Variants in MACROD2 observed in about 807,000 individuals in gnomAD.
The protein encoded by MACROD2 is ADP-ribose glycohydrolase MACROD2.
Under a neutral mutation model 70.4 loss-of-function variants are expected in MACROD2, and 36 were observed. The ratio of observed to expected loss-of-function variants is 0.51; its 90% CI spans 0.39 to 0.68. MACROD2 has a LOEUF of 0.68. Among genes scored for constraint, MACROD2 ranks in the 30% least tolerant of loss-of-function variants. MACROD2 has a pLI of 0.00. For synonymous variants in MACROD2, 172 were observed against 178.8 expected, an observed-to-expected ratio of 0.96 and a Z score of 0.30; for missense variants, 496 against 538.4, an observed-to-expected ratio of 0.92 and a Z score of 0.78.
chr20:14,798,402 T>TTTTCTA (rs2072535910), intron 5 of MACROD2, among the ~76,000 whole-genome samples: 1 of 152,096 alleles, frequency 6.6e-6, no homozygotes, highest in Non-Finnish European at 1.5e-5. Context: ...ACAGGTCTGG[T>TTTTCTA]TTGGGAAGAT....
intron 5 of MACROD2, among the ~76,000 whole-genome samples, chr20:14,863,372 T>C (rs442467): frequency 0.58 from 88,261 of 152,018 alleles, 26,777 homozygotes; most frequent in Non-Finnish European, 0.68. Context: ...TCTGTAAAGC[T>C]CCAAGGGGTA....
intron 8 of MACROD2, among the ~76,000 whole-genome samples, chr20:15,621,394 A>T (rs1296684411): frequency 2.0e-5 from 3 of 152,158 alleles, no homozygotes; most frequent in Non-Finnish European, 4.4e-5. Flanking sequence ...GAATCCATCG[A>T]TTCTTCCAGA....
chr20:14,844,729 A>G (rs553861063), intron 5 of MACROD2, among the ~76,000 whole-genome samples: 3 of 152,182 alleles, frequency 2.0e-5, no homozygotes, highest in Admixed American at 2.0e-4. Context: ...CCTTATGCTT[A>G]CTATAAATCA....
At position 14,730,979 on chromosome 20, in the gene MACROD2, G is replaced by GCACACACACA. The variant is rs11474396; in HGVS notation, c.418+46041_418+46050dup. ...GCTGTGTATTGCCCAAACAGGTTTA[G>GCACACACACA]CACACACACACACACACACACACAC... is the stretch of plus-strand genomic sequence containing the variant. On this transcript the variant is annotated intron_variant, in intron 5 of 17. Transcript: ENST00000684519. 2.6e-3 allele frequency among the ~76,000 whole-genome samples: 364 copies of GCACACACACA among 138,922 alleles called. 1 individual carries two copies. Among genetic ancestry groups the GCACACACACA allele is most frequent in the African/African-American group, 8.1e-3 (316 of 38,916 alleles). 91.1% of individuals were successfully genotyped at this position (138,922 alleles called of 152,430 possible). A position where few individuals can be genotyped will look rare whatever the true frequency, so the allele number is the denominator to read the frequency against.
At chr20:15,845,224 G>A (rs1316548419) in intron 8 of MACROD2, among the ~76,000 whole-genome samples, 1 of 152,088 alleles carries the variant, frequency 6.6e-6, no homozygotes, top group Non-Finnish European at 1.5e-5. Flanking sequence ...TCCAATGACT[G>A]CTGTTCTTAT....
At chr20:14,092,864 T>C (rs2054170055) in intron 3 of MACROD2, among the ~76,000 whole-genome samples, 1 of 152,196 alleles carries the variant, frequency 6.6e-6, no homozygotes, top group South Asian at 2.1e-4. Context: ...CTGAGAGAAC[T>C]CAGGTTAGTA....
At chr20:15,002,820 A>G (rs1239645365) in intron 5 of MACROD2, among the ~76,000 whole-genome samples, 1 of 152,204 alleles carries the variant, frequency 6.6e-6, no homozygotes, top group Middle Eastern at 3.2e-3. Context: ...TTGTAGCCAT[A>G]CAGGAATTTG....
At chr20:15,841,230 G>A (rs6079984) in intron 8 of MACROD2, among the ~76,000 whole-genome samples, 81,526 of 152,034 alleles carry the variant, frequency 0.54, 22,946 homozygotes, top group South Asian at 0.65. Flanking sequence ...ATCAAGGGCC[G>A]TGGCCAAGGA....
At chr20:15,352,467 AG>A (rs1406993977) in intron 6 of MACROD2, among the ~76,000 whole-genome samples, 1 of 152,218 alleles carries the variant, frequency 6.6e-6, no homozygotes, top group Non-Finnish European at 1.5e-5. Flanking sequence ...CAAAGATATC[AG>A]AAATAATTTA....
intron 4 of MACROD2, chr20:14,628,940 C>G (rs1180275592): frequency 6.6e-6 from 1 of 152,110 alleles, no homozygotes; most frequent in Non-Finnish European, 1.5e-5. Context: ...TTCTTTGGAA[C>G]TTTGGTGATG....
intron 4 of MACROD2, among the ~76,000 whole-genome samples, chr20:14,604,208 G>A (rs1982661080): frequency 6.6e-6 from 1 of 152,122 alleles, no homozygotes; most frequent in African/African-American, 2.4e-5. Flanking sequence ...AATTATTCAA[G>A]AATCCTGAAG....
At chr20:14,665,740 T>G (rs115069356) in intron 4 of MACROD2, among the ~76,000 whole-genome samples, 3,572 of 152,158 alleles carry the variant, frequency 0.023, 104 homozygotes, top group African/African-American at 0.059. Context: ...AACTTACATA[T>G]ATCCATCCTT....
intron 6 of MACROD2, among the ~76,000 whole-genome samples, chr20:15,326,517 G>A (rs1197034792): frequency 6.6e-6 from 1 of 151,948 alleles, no homozygotes; most frequent in Admixed American, 6.6e-5. Context: ...CTCCTGACAA[G>A]TCCCCATATA....
chr20:15,390,433 C>A (rs1314997806), intron 6 of MACROD2, among the ~76,000 whole-genome samples: 1 of 152,076 alleles, frequency 6.6e-6, no homozygotes, highest in Non-Finnish European at 1.5e-5. Flanking sequence ...TTCCTTGATT[C>A]ATTTTTCTCT....
At chr20:14,544,599 A>C (rs1424005729) in intron 4 of MACROD2, among the ~76,000 whole-genome samples, 3 of 152,136 alleles carry the variant, frequency 2.0e-5, no homozygotes, top group African/African-American at 7.2e-5. Flanking sequence ...GATGATTTCC[A>C]TTTGAGTTGC....
intron 3 of MACROD2, among the ~76,000 whole-genome samples, chr20:14,474,996 G>A (rs970345814): frequency 6.6e-6 from 1 of 151,108 alleles, no homozygotes; most frequent in Admixed American, 6.6e-5. Context: ...CTGCCATTTT[G>A]TTATTTTTTT....
intron 5 of MACROD2, among the ~76,000 whole-genome samples, chr20:15,145,880 G>T (rs1363930172): frequency 6.6e-6 from 1 of 152,024 alleles, no homozygotes; most frequent in Non-Finnish European, 1.5e-5. Flanking sequence ...CACCACCATT[G>T]ATATGAAAGT....
chr20:14,230,922 C>A (rs2081804655), intron 3 of MACROD2, among the ~76,000 whole-genome samples: 1 of 151,146 alleles, frequency 6.6e-6, no homozygotes, highest in Admixed American at 6.6e-5. Context: ...AAAAAACATT[C>A]ATCTTGTAGA....
chr20:14,742,988 G>C (rs1368345525), intron 5 of MACROD2, among the ~76,000 whole-genome samples: 1 of 151,844 alleles, frequency 6.6e-6, no homozygotes, highest in African/African-American at 2.4e-5. Flanking sequence ...GGATGGTCTC[G>C]ATCTCCTGAC....
Sources: gnomAD v4.1 joint callset for allele counts (sites outside exome capture counted in the v4.1 genomes callset) on GRCh38, gnomAD v4.1.1 for gene constraint, MANE v1.5 for transcripts, NCBI Gene and HGNC (gene_info 2026-07-23, HGNC 2026-07-21) for gene names.